STAT5B: variants seen among roughly 807,000 people sequenced by gnomAD.
STAT5B encodes the protein transcription factor STAT5B.
Under a neutral mutation model 107.8 loss-of-function variants are expected in STAT5B, and 21 were observed. That is an observed-to-expected ratio of 0.19 (90% CI 0.14 to 0.28). STAT5B has a LOEUF of 0.28. STAT5B is among the 10% of genes least tolerant of loss of function. STAT5B has a pLI of 1.00. For synonymous variants in STAT5B, 325 were observed against 401.7 expected (o/e 0.81, Z 2.28); for missense variants, 565 against 1,008.2 (o/e 0.56, Z 5.95).
At position 42,211,519 on chromosome 17, in the gene STAT5B, T is replaced by C. The variant is rs565758915; in HGVS notation, c.1680+465A>G. 4.7e-5 allele frequency among the ~76,000 whole-genome samples: 7 copies of C among 149,544 alleles called. No individual in the cohort carries two copies. The East Asian group carries it at 5.9e-4, about 13-fold the overall frequency. On this transcript the variant is annotated intron_variant, in intron 13 of 18. Coordinates refer to ENST00000293328, the MANE Select transcript of STAT5B (RefSeq NM_012448.4). ...GAAACTCTGTCTCAAAAAAAAAAAA[T>C]GAATAAAAATAAAATCAAAGTGACG...
chr17:42,270,138 G>A (rs1347772025), intron 1 of STAT5B, among the ~76,000 whole-genome samples: 1 of 152,204 alleles, frequency 6.6e-6, no homozygotes, highest in Admixed American at 6.5e-5. Context: ...GAACCCAGGA[G>A]ACGGAGGTTG....
intron 1 of STAT5B, among the ~76,000 whole-genome samples, chr17:42,252,390 G>A (rs577757367): frequency 6.6e-6 from 1 of 152,264 alleles, no homozygotes; most frequent in Non-Finnish European, 1.5e-5. Flanking sequence ...TAAGAACCAA[G>A]GCAACTAAGT....
chr17:42,275,215 T>C (rs567921039), intron 1 of STAT5B: 13 of 152,318 alleles, frequency 8.5e-5, no homozygotes, highest in African/African-American at 3.1e-4. Context: ...ATCGCTGGGT[T>C]CCTTTCCAGC....
intron 2 of STAT5B, among the ~76,000 whole-genome samples, chr17:42,230,448 G>A (rs2080308505): frequency 6.6e-6 from 1 of 152,128 alleles, no homozygotes; most frequent in Admixed American, 6.6e-5. Flanking sequence ...GCAGAGCAGT[G>A]TACATCCTGC....
At chr17:42,207,417 T>C (rs1198893179) in intron 16 of STAT5B, 141 bp downstream of exon 16, 43 of 1,103,468 alleles carry the variant, frequency 3.9e-5, no homozygotes, top group Non-Finnish European at 5.5e-5. Flanking sequence ...CCCTGGAAAA[T>C]GCTCAAACTG....
chr17:42,269,598 A>T (rs956756106), intron 1 of STAT5B: 1 of 152,172 alleles, frequency 6.6e-6, no homozygotes, highest in East Asian at 1.9e-4. Flanking sequence ...TTCTGTCAAC[A>T]TTCAAAGAAA....
At chr17:42,214,586 C>CT in intron 12 of STAT5B, 2 of 985,374 alleles carry the variant, frequency 2.0e-6, no homozygotes, top group Non-Finnish European at 2.4e-6. Context: ...GTTGAACTAA[C>CT]AGTCAAATCC....
At chr17:42,225,252 A>T (rs898429845) in intron 3 of STAT5B, among the ~76,000 whole-genome samples, 3 of 152,006 alleles carry the variant, frequency 2.0e-5, no homozygotes, top group Non-Finnish European at 4.4e-5. Flanking sequence ...ATGGGGTTCC[A>T]CCATGTTGGC....
intron 1 of STAT5B, among the ~76,000 whole-genome samples, chr17:42,251,007 G>A (rs896020936): frequency 1.3e-5 from 2 of 149,608 alleles, no homozygotes; most frequent in Non-Finnish European, 3.0e-5. Context: ...TTTATAACAC[G>A]AGCCACAAAA....
chr17:42,226,499 G>A (rs72820888), intron 3 of STAT5B, among the ~76,000 whole-genome samples: 1 of 151,974 alleles, frequency 6.6e-6, no homozygotes, highest in Non-Finnish European at 1.5e-5. Context: ...TGCAAGACAA[G>A]GTTCATTCTT....
At chr17:42,234,021 G>C (rs1390514914) in intron 1 of STAT5B, 1 of 152,184 alleles carries the variant, frequency 6.6e-6, no homozygotes, top group African/African-American at 2.4e-5. Flanking sequence ...GTAGAGTTTG[G>C]TATAAGGCAG....
intron 1 of STAT5B, among the ~76,000 whole-genome samples, chr17:42,262,826 GTA>G (rs1223521324): frequency 8.5e-6 from 1 of 117,520 alleles, no homozygotes; most frequent in Admixed American, 8.5e-5. Context: ...ATATATATGT[GTA>G]TATATACACA....
At chr17:42,226,082 C>A (rs1455834808) in intron 3 of STAT5B, among the ~76,000 whole-genome samples, 1 of 152,014 alleles carries the variant, frequency 6.6e-6, no homozygotes, top group Non-Finnish European at 1.5e-5. Flanking sequence ...TTACAGTTGT[C>A]CACTGCCACA....
intron 1 of STAT5B, among the ~76,000 whole-genome samples, chr17:42,243,280 C>T (rs2080421220): frequency 1.3e-5 from 2 of 152,200 alleles, no homozygotes; most frequent in East Asian, 1.9e-4. Flanking sequence ...CTCTTGAACC[C>T]GGGAGGCAGA....
At chr17:42,239,992 G>A (rs1369843919) in intron 1 of STAT5B, among the ~76,000 whole-genome samples, 2 of 152,190 alleles carry the variant, frequency 1.3e-5, no homozygotes, top group African/African-American at 4.8e-5. Context: ...AAATGAGCCG[G>A]GCACGGTGGC....
intron 1 of STAT5B, among the ~76,000 whole-genome samples, chr17:42,261,717 C>T (rs1379651447): frequency 6.6e-6 from 1 of 152,084 alleles, no homozygotes; most frequent in African/African-American, 2.4e-5. Context: ...CACACCACCA[C>T]GTCTAGCTAA....
intron 5 of STAT5B, among the ~76,000 whole-genome samples, chr17:42,220,719 T>TCCCTCCACACCATCTGTGAGGAGTCTC (rs1567660752): frequency 1.3e-5 from 2 of 152,024 alleles, no homozygotes; most frequent in Non-Finnish European, 2.9e-5. Context: ...GGAGGCGGCT[T>TCCCTCCACACCATCTGTGAGGAGTCTC]CCCTCCACAC....
At chr17:42,281,475 A>C (rs2080795568), upstream of STAT5B, among the ~76,000 whole-genome samples, 1 of 152,306 alleles carries the variant, frequency 6.6e-6, no homozygotes, top group South Asian at 2.1e-4. Context: ...TTTTTAAAGG[A>C]AAAAGGAGAG....
intron 2 of STAT5B, among the ~76,000 whole-genome samples, chr17:42,228,317 G>A (rs775141998): frequency 5.9e-5 from 9 of 152,172 alleles, no homozygotes; most frequent in South Asian, 2.1e-4. Flanking sequence ...GGAAAACCAC[G>A]CTACAGACTT....
Sources: gnomAD v4.1 joint callset for allele counts (sites outside exome capture counted in the v4.1 genomes callset) on GRCh38, gnomAD v4.1.1 for gene constraint, MANE v1.5 for transcripts, NCBI Gene and HGNC (gene_info 2026-07-23, HGNC 2026-07-21) for gene names.